The following ZNF564 variants were observed in gnomAD, a reference collection of about 807,000 sequenced individuals.
ZNF564 encodes the protein zinc finger protein 564.
Under a neutral mutation model 10.5 loss-of-function variants are expected in ZNF564, and 5 were observed. That is an observed-to-expected ratio of 0.48 (90% confidence interval 0.25 to 1.00). The LOEUF (loss-of-function observed/expected upper bound fraction) is 1.00, where lower values mean the gene tolerates loss of function less well. Ranked by LOEUF, ZNF564 falls within the 50% of genes least tolerant of loss-of-function variation. The pLI, the probability that ZNF564 is intolerant of heterozygous loss-of-function variation, is 0.16. For missense variants in ZNF564, 603 were observed against 669.7 expected, an observed-to-expected ratio of 0.90 and a Z score of 1.10; for synonymous variants, 242 against 218.1, an observed-to-expected ratio of 1.11 and a Z score of -0.97.
At chr19:12,548,836 G>A (rs2022201090) in intron 1 of ZNF564, 2 of 702,880 alleles carry the variant, frequency 2.8e-6, no homozygotes, top group Non-Finnish European at 2.6e-6. Flanking sequence ...ATACAGAACA[G>A]TTATCCATTA....
chr19:12,528,474 A>T, intron 2 of ZNF564, 96 bp downstream of exon 2: 1 of 1,583,460 alleles, frequency 6.3e-7, no homozygotes, highest in Non-Finnish European at 8.6e-7. Context: ...TCACCCAAGT[A>T]TTCCCTTTTC....
At chr19:12,535,725 G>A (rs1030745265) in intron 1 of ZNF564, among the ~76,000 whole-genome samples, 2 of 151,996 alleles carry the variant, frequency 1.3e-5, no homozygotes, top group East Asian at 1.9e-4. Flanking sequence ...ATAAAAAATA[G>A]GGCAAACTGG....
rs769466841 is a variant in ZNF564, at chr19:12,550,491, A to C, written c.3+839T>G. 1.4e-5 allele frequency: 4 copies of C among 286,092 alleles called. No individual in the cohort carries two copies. In the Middle Eastern group the frequency reaches 3.4e-3, roughly 243 times the overall value. The allele number at this position is 286,092 out of a possible 1,614,324, so 17.7% of individuals were successfully genotyped here. On this transcript the variant is annotated intron_variant, in intron 1 of 3. Transcript: ENST00000339282. Reference sequence around the variant, plus strand: ...GCCAACATGGAGAAACCCAGTTTCTACCAAAAATACAAAAAGTAGCCGGTC... The same window carrying C: ...GCCAACATGGAGAAACCCAGTTTCTCCCAAAAATACAAAAAGTAGCCGGTC...
intron 1 of ZNF564, among the ~76,000 whole-genome samples, chr19:12,542,370 G>A (rs575296887): frequency 2.9e-4 from 44 of 151,032 alleles, no homozygotes; most frequent in African/African-American, 1.0e-3. Flanking sequence ...GCACACACAT[G>A]GAATCCCAGC....
intron 1 of ZNF564, among the ~76,000 whole-genome samples, chr19:12,549,643 CTG>C (rs1375141426): frequency 6.6e-6 from 1 of 152,124 alleles, no homozygotes; most frequent in Admixed American, 6.6e-5. Context: ...GGAACGGAAA[CTG>C]GGGTTGAGGA....
chr19:12,550,030 C>T (rs2022222135), intron 1 of ZNF564, among the ~76,000 whole-genome samples: 1 of 152,138 alleles, frequency 6.6e-6, no homozygotes. Context: ...CGGTGGCTCA[C>T]GCCTGTAATC....
At chr19:12,534,618 C>T (rs762153962) in intron 1 of ZNF564, among the ~76,000 whole-genome samples, 3 of 151,662 alleles carry the variant, frequency 2.0e-5, no homozygotes, top group South Asian at 2.1e-4. Context: ...GTTCAAGACC[C>T]GCCTGGCCAA....
chr19:12,535,966 C>G (rs1419145707), intron 1 of ZNF564, among the ~76,000 whole-genome samples: 1 of 146,378 alleles, frequency 6.8e-6, no homozygotes, highest in Non-Finnish European at 1.5e-5. Context: ...TGAGCTGAGA[C>G]TGTGCGACTG....
In ZNF564 at chr19:12,548,266, G is replaced by A. The variant is rs949947646; in HGVS notation, c.3+3064C>T. On this transcript the variant is annotated intron_variant, in intron 1 of 3. Transcript: ENST00000339282. Reference sequence around the variant, plus strand: ...GGAGTCTAGCTCTGTCGCCCAGGCTGGAGTCCAGTGGCACGATCCCGGCTC... The same window carrying A: ...GGAGTCTAGCTCTGTCGCCCAGGCTAGAGTCCAGTGGCACGATCCCGGCTC... 4 of 788,122 alleles carry A rather than the reference G, an allele frequency of 5.1e-6. No homozygotes were observed. The African/African-American group carries it at 7.7e-5, about 15-fold the overall frequency. The allele number at this position is 788,122 out of a possible 1,614,324, so 48.8% of individuals were successfully genotyped here.
chr19:12,544,046 C>T (rs2022108347), intron 1 of ZNF564, among the ~76,000 whole-genome samples: 1 of 152,150 alleles, frequency 6.6e-6, no homozygotes, highest in Non-Finnish European at 1.5e-5. Flanking sequence ...CTTGGACTTC[C>T]CAGCCTCCAG....
In ZNF564 at chr19:12,525,749, T is replaced by C. The variant is rs2021668953; in HGVS notation, c.*697A>G. 1 of 152,234 alleles carries C rather than the reference T, an allele frequency of 6.6e-6. No individual in the cohort carries two copies. The highest frequency in any genetic ancestry group is 2.4e-5 in the African/African-American group (1 of 41,450). The allele number at this position is 152,234 out of a possible 1,614,324, so 9.4% of individuals were successfully genotyped here. A position where few individuals can be genotyped will look rare whatever the true frequency, so the allele number is the denominator to read the frequency against. On this transcript the variant is annotated 3_prime_UTR_variant, in exon 4 of 4. Transcript: ENST00000339282. ...TTAATCAACAAACATTTATTTCTCATGGTTTGGGAGGCTGGGAAGTCCAAT... is the reference window on the plus strand; with the variant it reads ...TTAATCAACAAACATTTATTTCTCACGGTTTGGGAGGCTGGGAAGTCCAAT...
intron 1 of ZNF564, among the ~76,000 whole-genome samples, chr19:12,534,274 TAAGA>T (rs1444495640): frequency 6.6e-6 from 1 of 152,184 alleles, no homozygotes; most frequent in African/African-American, 2.4e-5. Flanking sequence ...CTTTGCTGCA[TAAGA>T]CATGATTATA....
At chr19:12,530,259 C>G (rs2021776390) in intron 1 of ZNF564, 1 of 152,150 alleles carries the variant, frequency 6.6e-6, no homozygotes, top group Admixed American at 6.6e-5. Flanking sequence ...TCATTTTAAC[C>G]TGCATGTATA....
intron 1 of ZNF564, chr19:12,541,348 G>A (rs528118575): frequency 1.3e-5 from 2 of 151,642 alleles, no homozygotes; most frequent in South Asian, 2.1e-4. Context: ...AGGAGTTCGA[G>A]ACCAGCCTGG....
chr19:12,546,678 C>T (rs1361178228), intron 1 of ZNF564, among the ~76,000 whole-genome samples: 1 of 152,114 alleles, frequency 6.6e-6, no homozygotes, highest in Non-Finnish European at 1.5e-5. Flanking sequence ...TTGCAGTGAG[C>T]CAAGATCGCG....
At chr19:12,544,019 A>G (rs959435685) in intron 1 of ZNF564, among the ~76,000 whole-genome samples, 2 of 152,122 alleles carry the variant, frequency 1.3e-5, no homozygotes, top group Non-Finnish European at 2.9e-5. Context: ...CAGACACTAC[A>G]TCTGCCAGCA....
At chr19:12,550,011 G>C (rs1045934455) in intron 1 of ZNF564, among the ~76,000 whole-genome samples, 1 of 152,172 alleles carries the variant, frequency 6.6e-6, no homozygotes, top group Non-Finnish European at 1.5e-5. Context: ...TTTTTACCAC[G>C]GCCGGGCGCG....
chr19:12,538,801 C>A (rs2021971828), intron 1 of ZNF564, among the ~76,000 whole-genome samples: 1 of 151,126 alleles, frequency 6.6e-6, no homozygotes, highest in Non-Finnish European at 1.5e-5. Context: ...AGAGCAAGAC[C>A]CTGTCTCAAA....
intron 2 of ZNF564, 90 bp downstream of exon 2, chr19:12,528,480 T>C (rs2021736504): frequency 1.3e-6 from 2 of 1,587,564 alleles, no homozygotes; most frequent in African/African-American, 2.7e-5. Context: ...AAGTATTCCC[T>C]TTTCCACATT....
Sources: gnomAD v4.1 joint callset for allele counts (sites outside exome capture counted in the v4.1 genomes callset) on GRCh38, gnomAD v4.1.1 for gene constraint, MANE v1.5 for transcripts, NCBI Gene and HGNC (gene_info 2026-07-23, HGNC 2026-07-21) for gene names.